Variants in FOXN3 observed in about 807,000 individuals in gnomAD.
FOXN3 encodes forkhead box N3, also known as forkhead box protein N3.
Under a neutral mutation model 38.4 loss-of-function variants are expected in FOXN3, and 7 were observed. The observed-to-expected ratio is 0.18, with a 90% CI of 0.10 to 0.34. FOXN3 has a LOEUF of 0.34. Ranked by LOEUF, FOXN3 falls within the 10% of genes least tolerant of loss-of-function variation. FOXN3 has a pLI of 1.00. For missense variants in FOXN3, 456 were observed against 613.4 expected (o/e 0.74, Z 2.71); for synonymous variants, 230 against 242.2 (o/e 0.95, Z 0.47).
chr14:89,375,521 A>G (rs1890454274), intron 2 of FOXN3, among the ~76,000 whole-genome samples: 1 of 152,208 alleles, frequency 6.6e-6, no homozygotes, highest in Non-Finnish European at 1.5e-5. Context: ...CCAGACATGT[A>G]TTACTAATAG....
chr14:89,420,679 C>T (rs1489108458), upstream of FOXN3, among the ~76,000 whole-genome samples: 2 of 152,118 alleles, frequency 1.3e-5, no homozygotes, highest in African/African-American at 4.8e-5. Context: ...TGAGTGCCTA[C>T]CAAGTGCATG....
At chr14:89,440,812 C>T (rs1892368339) in intron 1 of FOXN3, among the ~76,000 whole-genome samples, 1 of 152,218 alleles carries the variant, frequency 6.6e-6, no homozygotes, top group South Asian at 2.1e-4. Flanking sequence ...AAGTACACTG[C>T]AAAGCAGTGC....
chr14:89,608,419 C>T (rs371828382), intron 1 of FOXN3, among the ~76,000 whole-genome samples: 8 of 152,410 alleles, frequency 5.2e-5, no homozygotes, highest in East Asian at 3.9e-4. Flanking sequence ...GGATTACAGG[C>T]GTGGGCCACC....
At chr14:89,545,025 A>G (rs192311080) in intron 1 of FOXN3, among the ~76,000 whole-genome samples, 1 of 152,310 alleles carries the variant, frequency 6.6e-6, no homozygotes, top group East Asian at 1.9e-4. Context: ...TACTATGTTC[A>G]TTTCTGAAAG....
chr14:89,434,080 C>T (rs955834990), intron 1 of FOXN3, among the ~76,000 whole-genome samples: 2 of 151,536 alleles, frequency 1.3e-5, no homozygotes, highest in African/African-American at 4.8e-5. Flanking sequence ...CCTGCCACTA[C>T]GCCCGGCTAA....
chr14:89,554,235 C>T (rs955590386), intron 1 of FOXN3, among the ~76,000 whole-genome samples: 30 of 152,078 alleles, frequency 2.0e-4, no homozygotes, highest in Admixed American at 4.6e-4. Context: ...CTCCTGACCT[C>T]GTGATCCGCC....
intron 2 of FOXN3, among the ~76,000 whole-genome samples, chr14:89,360,390 G>C (rs1889424502): frequency 6.6e-6 from 1 of 150,774 alleles, no homozygotes; most frequent in Non-Finnish European, 1.5e-5. Context: ...AAGGGAGGGA[G>C]GGAGGCAGGA....
chr14:89,370,226 G>T (rs542150315), intron 2 of FOXN3, among the ~76,000 whole-genome samples: 1 of 152,334 alleles, frequency 6.6e-6, no homozygotes, highest in South Asian at 2.1e-4. Flanking sequence ...TTCAAAGAGT[G>T]ATCAAATATC....
chr14:89,321,294 A>C (rs1887888197), intron 3 of FOXN3, among the ~76,000 whole-genome samples: 2 of 151,708 alleles, frequency 1.3e-5, no homozygotes. Context: ...AAATATATTA[A>C]AAAATAAAAA....
chr14:89,253,084 A>T (rs1486036478), intron 4 of FOXN3, among the ~76,000 whole-genome samples: 3 of 152,180 alleles, frequency 2.0e-5, no homozygotes, highest in African/African-American at 7.2e-5. Flanking sequence ...ATGCTGCCTC[A>T]TGATGGTCAG....
At chr14:89,452,224 G>A (rs1275345207) in intron 1 of FOXN3, among the ~76,000 whole-genome samples, 2 of 152,080 alleles carry the variant, frequency 1.3e-5, no homozygotes, top group Non-Finnish European at 2.9e-5. Context: ...CAGACTCTAA[G>A]AACAAGGAGG....
intron 1 of FOXN3, among the ~76,000 whole-genome samples, chr14:89,501,925 GGAGGCC>G (rs1287958284): frequency 6.6e-6 from 1 of 152,072 alleles, no homozygotes; most frequent in Admixed American, 6.5e-5. Context: ...CAGCACTTTG[GGAGGCC>G]GAGGCAGTTG....
At chr14:89,421,151 T>C (rs1412825195), upstream of FOXN3, among the ~76,000 whole-genome samples, 13 of 147,574 alleles carry the variant, frequency 8.8e-5, no homozygotes, top group South Asian at 4.3e-4. Context: ...CTTTCTTTTT[T>C]TTTTTTTTTT....
intron 2 of FOXN3, chr14:89,401,510 A>G (rs1891244351): frequency 1.3e-5 from 6 of 449,804 alleles, no homozygotes; most frequent in Non-Finnish European, 2.7e-5. Flanking sequence ...TACAAGCCTC[A>G]AAGGAATTCG....
chr14:89,576,851 A>G (rs1895636006), intron 1 of FOXN3: 1 of 152,170 alleles, frequency 6.6e-6, no homozygotes, highest in South Asian at 2.1e-4. Flanking sequence ...AGCTATTTTC[A>G]CTCAGTAGTC....
At chr14:89,363,937 C>T (rs1007905980) in intron 2 of FOXN3, among the ~76,000 whole-genome samples, 1 of 126,028 alleles carries the variant, frequency 7.9e-6, no homozygotes, top group African/African-American at 3.8e-5. Context: ...GAGCAAGACC[C>T]TGTCTGTAAA....
At chr14:89,394,091 T>C (rs954653214) in intron 2 of FOXN3, among the ~76,000 whole-genome samples, 11 of 152,060 alleles carry the variant, frequency 7.2e-5, no homozygotes, top group Non-Finnish European at 1.5e-4. Flanking sequence ...ACTCATCCTT[T>C]TATAAGGAAC....
intron 3 of FOXN3, among the ~76,000 whole-genome samples, chr14:89,317,670 G>A (rs1887761739): frequency 6.6e-6 from 1 of 151,930 alleles, no homozygotes; most frequent in African/African-American, 2.4e-5. Context: ...TAGGAGTTTG[G>A]CACCTTTGAT....
intron 2 of FOXN3, among the ~76,000 whole-genome samples, chr14:89,397,419 C>G (rs536838127): frequency 1.0e-4 from 15 of 149,432 alleles, no homozygotes; most frequent in African/African-American, 3.0e-4. Flanking sequence ...TGCACATGTA[C>G]CCCCAAACCT....
Sources: gnomAD v4.1 joint callset for allele counts (sites outside exome capture counted in the v4.1 genomes callset) on GRCh38, gnomAD v4.1.1 for gene constraint, MANE v1.5 for transcripts, NCBI Gene and HGNC (gene_info 2026-07-23, HGNC 2026-07-21) for gene names.